Variants in PLEKHM3 observed in about 807,000 individuals in gnomAD.
PLEKHM3 encodes the protein pleckstrin homology domain containing M3, also known as pleckstrin homology domain-containing family M member 3.
Under a neutral mutation model 81.8 loss-of-function variants are expected in PLEKHM3, and 45 were observed. That is an observed-to-expected ratio of 0.55 (90% confidence interval 0.43 to 0.71). The LOEUF is 0.71. PLEKHM3 is among the 30% of genes least tolerant of loss of function. PLEKHM3 has a pLI of 0.00. For missense variants in PLEKHM3, 788 were observed against 924.3 expected, an observed-to-expected ratio of 0.85 and a Z score of 1.91; for synonymous variants, 352 against 356.4, an observed-to-expected ratio of 0.99 and a Z score of 0.14.
At chr2:207,937,368 C>A (rs973115561) in intron 4 of PLEKHM3, among the ~76,000 whole-genome samples, 2 of 152,100 alleles carry the variant, frequency 1.3e-5, no homozygotes, top group Non-Finnish European at 2.9e-5. Flanking sequence ...GAGTTTGAGA[C>A]CAGCCTGGGC....
chr2:208,013,413 G>A (rs1692766759), intron 1 of PLEKHM3, among the ~76,000 whole-genome samples: 1 of 152,130 alleles, frequency 6.6e-6, no homozygotes, highest in Non-Finnish European at 1.5e-5. Context: ...TTACTGAGGA[G>A]GCTGAGGCAG....
At chr2:207,874,630 C>A (rs915319198) in intron 6 of PLEKHM3, among the ~76,000 whole-genome samples, 1 of 151,588 alleles carries the variant, frequency 6.6e-6, no homozygotes. Flanking sequence ...CTTGCTCTGT[C>A]GCCCAGGCTG....
In PLEKHM3 at chr2:207,863,902, A is replaced by C. The variant is rs1411983734; in HGVS notation, c.1951-2640T>G. 3.6e-5 allele frequency among the ~76,000 whole-genome samples: 5 copies of C among 137,884 alleles called. No individual in the cohort carries two copies. In the East Asian group the frequency reaches 1.0e-3, roughly 28 times the overall value. The allele number at this position is 137,884 out of a possible 152,430, so 90.5% of individuals were successfully genotyped here. A position where few individuals can be genotyped will look rare whatever the true frequency, so the allele number is the denominator to read the frequency against. ...AACTCTAGGGAGGGCAATAAGTCAG[A>C]AAAGCAAAAAAAATATATATATATA... On this transcript the variant is annotated intron_variant, in intron 6 of 7. Transcript: ENST00000427836.
intron 4 of PLEKHM3, among the ~76,000 whole-genome samples, chr2:207,943,974 A>T (rs1373220172): frequency 1.3e-5 from 2 of 152,208 alleles, no homozygotes; most frequent in Admixed American, 1.3e-4. Flanking sequence ...TCCAATAGGC[A>T]ATTAAAGCCA....
At chr2:208,000,331 T>C (rs1168187444) in intron 2 of PLEKHM3, among the ~76,000 whole-genome samples, 1 of 152,222 alleles carries the variant, frequency 6.6e-6, no homozygotes, top group Non-Finnish European at 1.5e-5. Context: ...TGTGACTCTA[T>C]GTCTGCATCT....
intron 3 of PLEKHM3, among the ~76,000 whole-genome samples, chr2:207,959,973 T>C (rs79324396): frequency 0.019 from 2,870 of 152,330 alleles, 94 homozygotes; most frequent in African/African-American, 0.065. Flanking sequence ...TTTTCTATCT[T>C]TTTAGAAGCA....
At chr2:207,923,039 C>T (rs1689239485) in intron 5 of PLEKHM3, among the ~76,000 whole-genome samples, 1 of 152,148 alleles carries the variant, frequency 6.6e-6, no homozygotes, top group South Asian at 2.1e-4. Flanking sequence ...GCTGGGGTGG[C>T]TGTGGTCCAT....
intron 1 of PLEKHM3, among the ~76,000 whole-genome samples, chr2:208,012,672 C>T (rs984768391): frequency 3.9e-5 from 6 of 152,232 alleles, no homozygotes; most frequent in African/African-American, 1.4e-4. Flanking sequence ...CATGTCCCCA[C>T]ACTGCCTTCT....
At chr2:207,889,265 G>A (rs1687975169) in intron 6 of PLEKHM3, among the ~76,000 whole-genome samples, 2 of 152,032 alleles carry the variant, frequency 1.3e-5, no homozygotes, top group African/African-American at 4.8e-5. Flanking sequence ...ACTTCCTATT[G>A]AAAGGCCAAG....
intron 2 of PLEKHM3, among the ~76,000 whole-genome samples, chr2:207,979,796 C>G (rs1186517445): frequency 2.0e-5 from 3 of 152,028 alleles, no homozygotes; most frequent in Non-Finnish European, 2.9e-5. Context: ...CTTAAAATAG[C>G]AAACCAAAAG....
At chr2:207,937,837 C>A (rs994902569) in intron 4 of PLEKHM3, among the ~76,000 whole-genome samples, 3 of 152,114 alleles carry the variant, frequency 2.0e-5, no homozygotes, top group Non-Finnish European at 2.9e-5. Flanking sequence ...ATAATAAAAT[C>A]AATTCTAACG....
At chr2:208,024,272 A>G (rs1199076696) in intron 1 of PLEKHM3, among the ~76,000 whole-genome samples, 1 of 152,224 alleles carries the variant, frequency 6.6e-6, no homozygotes, top group Non-Finnish European at 1.5e-5. Flanking sequence ...ACTGCCCAAG[A>G]TTACACAACT....
chr2:207,845,749 T>A (rs1417131682), intron 7 of PLEKHM3, among the ~76,000 whole-genome samples: 2 of 152,258 alleles, frequency 1.3e-5, no homozygotes, highest in East Asian at 3.8e-4. Context: ...AAGCAAACTC[T>A]CTATTCATTC....
intron 5 of PLEKHM3, among the ~76,000 whole-genome samples, chr2:207,924,138 C>T (rs1034751963): frequency 2.0e-5 from 3 of 151,166 alleles, no homozygotes; most frequent in Non-Finnish European, 2.9e-5. Flanking sequence ...CTCCTGGCCT[C>T]AGGTGATCTG....
chr2:208,001,810 G>T lies in PLEKHM3; in HGVS notation c.-171C>A. ...AACCCAAAGTGGTTGATGTTTTCCT[G>T]GTAATTAAAAGCATTTGCTAGTGGC... On this transcript the variant is annotated 5_prime_UTR_variant, in exon 2 of 8. Transcript: ENST00000427836. The T allele has an allele frequency of 1.8e-6, 2 of 1,106,262 alleles. No homozygotes were observed. The highest frequency in any genetic ancestry group is 1.3e-6 in the Non-Finnish European group (1 of 794,702). 68.5% of individuals were successfully genotyped at this position (1,106,262 alleles called of 1,614,324 possible). A position where few individuals can be genotyped will look rare whatever the true frequency, so the allele number is the denominator to read the frequency against.
chr2:207,852,428 T>G (rs1407296032), intron 7 of PLEKHM3, among the ~76,000 whole-genome samples: 1 of 152,208 alleles, frequency 6.6e-6, no homozygotes, highest in African/African-American at 2.4e-5. Context: ...CAGCACCTTC[T>G]CTATATCTGT....
chr2:207,880,762 C>CAAAAAAAAAAAAAAA lies in PLEKHM3; in HGVS notation c.1951-19515_1951-19501dup, dbSNP rs61384566. The stretch of plus-strand genomic sequence containing the variant: ...TGGGAGACACAGCGAGACTCTGTCT[C>CAAAAAAAAAAAAAAA]AAAAAAAAAAAAAAAAAAAAAAAAA... On this transcript the variant is annotated intron_variant, in intron 6 of 7. Transcript: ENST00000427836. Among the ~76,000 whole-genome samples the CAAAAAAAAAAAAAAA allele has an allele frequency of 8.8e-3, 61 of 6,954 alleles. 14 individuals carry two copies. The highest frequency in any genetic ancestry group is 0.017 in the Admixed American group (5 of 292). 4.6% of individuals were successfully genotyped at this position (6,954 alleles called of 152,430 possible). A position where few individuals can be genotyped will look rare whatever the true frequency, so the allele number is the denominator to read the frequency against.
intron 5 of PLEKHM3, among the ~76,000 whole-genome samples, chr2:207,923,899 A>AT (rs1559238875): frequency 1.9e-4 from 16 of 82,582 alleles, no homozygotes; most frequent in African/African-American, 3.4e-4. Flanking sequence ...ATATATATAT[A>AT]TATATATTTT....
intron 3 of PLEKHM3, among the ~76,000 whole-genome samples, chr2:207,954,519 A>G (rs1690441212): frequency 6.6e-6 from 1 of 152,250 alleles, no homozygotes; most frequent in Non-Finnish European, 1.5e-5. Flanking sequence ...TAAACTGTCC[A>G]AGACAGAGGC....
Sources: allele counts gnomAD v4.1 joint callset (sites outside exome capture counted in the v4.1 genomes callset), GRCh38; gene constraint gnomAD v4.1.1; transcripts MANE v1.5; gene names NCBI Gene and HGNC (gene_info 2026-07-23, HGNC 2026-07-21).